Variants in CNRIP1 observed in about 807,000 individuals in gnomAD.
CNRIP1 encodes the protein cannabinoid receptor interacting protein 1.
In CNRIP1, 10 loss-of-function variants were observed where a neutral mutation model predicts 15.2. The observed-to-expected ratio is 0.66, with a 90% CI of 0.41 to 1.12. The LOEUF (loss-of-function observed/expected upper bound fraction) is 1.12. Among genes scored for constraint, CNRIP1 ranks in the 50% most tolerant of loss-of-function variants. CNRIP1 has a pLI of 0.00. For missense variants in CNRIP1, 211 were observed against 214.7 expected (o/e 0.98, Z 0.11); for synonymous variants, 91 against 83.2 (o/e 1.09, Z -0.51).
intron 2 of CNRIP1, among the ~76,000 whole-genome samples, chr2:68,296,301 T>C (rs368219374): frequency 8.1e-4 from 124 of 152,288 alleles, no homozygotes; most frequent in African/African-American, 2.9e-3. Context: ...CACCTGTAAT[T>C]CCAGCACTTT....
downstream of CNRIP1, among the ~76,000 whole-genome samples, chr2:68,292,603 A>G (rs6727979): frequency 0.028 from 4,187 of 152,246 alleles, 192 homozygotes; most frequent in African/African-American, 0.097. Flanking sequence ...TTCTTATGGA[A>G]TTTATCCTTA....
At chr2:68,294,282 C>A (rs1671267457) in intron 2 of CNRIP1, among the ~76,000 whole-genome samples, 2 of 152,220 alleles carry the variant, frequency 1.3e-5, no homozygotes, top group African/African-American at 4.8e-5. Flanking sequence ...CACTCGCTAT[C>A]ATATTGCTTT....
At chr2:68,300,599 A>G (rs1224829564) in intron 2 of CNRIP1, among the ~76,000 whole-genome samples, 2 of 152,176 alleles carry the variant, frequency 1.3e-5, no homozygotes, top group Admixed American at 6.5e-5. Context: ...CCTGGGCATC[A>G]GAGCAAGACT....
downstream of CNRIP1, among the ~76,000 whole-genome samples, chr2:68,291,999 T>C (rs1671185443): frequency 6.6e-6 from 1 of 152,146 alleles, no homozygotes; most frequent in African/African-American, 2.4e-5. Flanking sequence ...AGTGAAAATA[T>C]TTACTAATCA....
chr2:68,296,564 A>ATGTGTGTGTGTGTGTGTG (rs140524601), intron 2 of CNRIP1, among the ~76,000 whole-genome samples: 2 of 151,016 alleles, frequency 1.3e-5, no homozygotes, highest in Non-Finnish European at 2.9e-5. Context: ...ATATATGTGT[A>ATGTGTGTGTGTGTGTGTG]TGTGTGTGTG....
At chr2:68,301,880 C>T (rs60329516) in intron 2 of CNRIP1, among the ~76,000 whole-genome samples, 2 of 109,252 alleles carry the variant, frequency 1.8e-5, no homozygotes, top group African/African-American at 7.5e-5. Context: ...GGCGACAGAG[C>T]GAGTCTCCGT....
chr2:68,291,965 C>G (rs565383140), downstream of CNRIP1, among the ~76,000 whole-genome samples: 9 of 151,832 alleles, frequency 5.9e-5, no homozygotes, highest in South Asian at 1.9e-3. Flanking sequence ...AGCTCTAGTC[C>G]CTGGCTTGAA....
At chr2:68,311,161 A>G (rs1487518944) in intron 2 of CNRIP1, among the ~76,000 whole-genome samples, 1 of 152,032 alleles carries the variant, frequency 6.6e-6, no homozygotes. Flanking sequence ...AATTTTGGTG[A>G]AAACATTAAC....
rs1573013657 is a variant in CNRIP1, at chr2:68,298,083, TA to T, written c.331-4058del. Among the ~76,000 whole-genome samples the T allele has an allele frequency of 3.3e-5, 5 of 152,254 alleles. No homozygotes were observed. In the East Asian group the frequency reaches 9.6e-4, roughly 29 times the overall value. On this transcript the variant is annotated intron_variant, in intron 2 of 2. Transcript: ENST00000263655. Reference sequence around the variant, plus strand: ...GCCTAAGGGATTTTATAAATTCTATTAAAAATATGTACATTCTAATGAAATT... The same window carrying T: ...GCCTAAGGGATTTTATAAATTCTATTAAAATATGTACATTCTAATGAAATT...
chr2:68,303,054 A>G (rs919089709), intron 2 of CNRIP1, among the ~76,000 whole-genome samples: 22 of 151,878 alleles, frequency 1.4e-4, no homozygotes, highest in Admixed American at 2.6e-4. Context: ...TCACTGTGTT[A>G]GCCAGGATGG....
Position 68,312,457 on chromosome 2 carries a change from ACTC to A in CNRIP1, c.330+4697_330+4699del, listed in dbSNP as rs577836429. On this transcript the variant is annotated intron_variant, in intron 2 of 2. Transcript: ENST00000263655. ...TTCAGTAAACCAGGAATAGAAGAGAACTCCTTTAACCTGATAAAAAGATTTACA... is the reference window on the plus strand; with the variant it reads ...TTCAGTAAACCAGGAATAGAAGAGAACTTTAACCTGATAAAAAGATTTACA... Among the ~76,000 whole-genome samples the A allele has an allele frequency of 4.6e-5, 7 of 152,282 alleles. No homozygotes were observed. In the East Asian group the frequency reaches 1.3e-3, roughly 29 times the overall value.
At chr2:68,288,243 G>T (rs1396122269), downstream of CNRIP1, among the ~76,000 whole-genome samples, 1 of 152,166 alleles carries the variant, frequency 6.6e-6, no homozygotes, top group Non-Finnish European at 1.5e-5. Flanking sequence ...TAAAATATCT[G>T]AGTAAACAAT....
At chr2:68,302,164 G>C (rs955354085) in intron 2 of CNRIP1, among the ~76,000 whole-genome samples, 1 of 151,844 alleles carries the variant, frequency 6.6e-6, no homozygotes. Flanking sequence ...TATATCTTTT[G>C]CTTAATTTCC....
chr2:68,319,410 A>T lies in CNRIP1; in HGVS notation c.-10T>A. 1 of 1,548,232 alleles carries T rather than the reference A, an allele frequency of 6.5e-7. No homozygotes were observed. Among genetic ancestry groups the T allele is most frequent in the South Asian group, 1.2e-5 (1 of 85,292 alleles). On this transcript the variant is annotated 5_prime_UTR_variant, in exon 1 of 3. Coordinates refer to ENST00000263655, the MANE Select transcript of CNRIP1 (RefSeq NM_015463.3). ...CCGGCAGGTCCCCCATGTCTGGGCG[A>T]GGGTCTGGCGCGGCGGCTCCGGGGG...
At chr2:68,291,380 T>C (rs905336666), downstream of CNRIP1, among the ~76,000 whole-genome samples, 1 of 152,054 alleles carries the variant, frequency 6.6e-6, no homozygotes, top group African/African-American at 2.4e-5. Flanking sequence ...CCCTTCATTT[T>C]AGAGATAAGC....
exon 3 of CNRIP1, chr2:68,284,420 G>A: frequency 6.7e-7 from 1 of 1,497,926 alleles, no homozygotes; most frequent in Admixed American, 2.4e-5. Flanking sequence ...ACACATTGAA[G>A]AATGTGCTTA....
intron 2 of CNRIP1, among the ~76,000 whole-genome samples, chr2:68,306,755 T>C (rs942581649): frequency 4.0e-5 from 6 of 149,380 alleles, no homozygotes; most frequent in African/African-American, 1.5e-4. Flanking sequence ...TACCACAGCA[T>C]GGGTGACAGA....
At position 68,307,382 on chromosome 2, in the gene CNRIP1, T is replaced by TGGAGTATAGC. The variant is rs1573028596; in HGVS notation, c.330+9774_330+9775insGCTATACTCC. On this transcript the variant is annotated intron_variant, in intron 2 of 2. Transcript: ENST00000263655. ...TGTGGCCCAGGCTGGAGTATAGTGG[T>TGGAGTATAGC]TTGATCATAGCTCACTGCAGCCTTG... Among the ~76,000 whole-genome samples the TGGAGTATAGC allele has an allele frequency of 2.0e-5, 3 of 152,324 alleles. No individual in the cohort carries two copies. The East Asian group carries it at 5.8e-4, about 29-fold the overall frequency.
chr2:68,285,189 C>A (rs1670998794), intron 2 of CNRIP1, among the ~76,000 whole-genome samples: 1 of 152,030 alleles, frequency 6.6e-6, no homozygotes, highest in South Asian at 2.1e-4. Flanking sequence ...CTTCCAGGCC[C>A]CTCCCCTCTG....
Sources: gnomAD v4.1 joint callset for allele counts (sites outside exome capture counted in the v4.1 genomes callset) on GRCh38, gnomAD v4.1.1 for gene constraint, MANE v1.5 for transcripts, NCBI Gene and HGNC (gene_info 2026-07-23, HGNC 2026-07-21) for gene names.